SLC4A8: variants seen among roughly 807,000 people sequenced by gnomAD.
SLC4A8 encodes solute carrier family 4 member 8, also known as electroneutral sodium bicarbonate exchanger 1.
Under a neutral mutation model 125.0 loss-of-function variants are expected in SLC4A8, and 40 were observed. The ratio of observed to expected loss-of-function variants is 0.32; its 90% CI spans 0.25 to 0.42. The LOEUF is 0.42. Ranked by LOEUF, SLC4A8 falls within the 10% of genes least tolerant of loss-of-function variation. The pLI, the probability that SLC4A8 is intolerant of heterozygous loss-of-function variation, is 1.00. For synonymous variants in SLC4A8, 456 were observed against 476.0 expected (o/e 0.96, Z 0.55); for missense variants, 863 against 1,355.1 (o/e 0.64, Z 5.70).
intron 22 of SLC4A8, among the ~76,000 whole-genome samples, chr12:51,498,609 G>T (rs983400274): frequency 1.3e-5 from 2 of 150,148 alleles, no homozygotes; most frequent in African/African-American, 2.5e-5. Flanking sequence ...GGCTGGGCGC[G>T]GTGGCTCATG....
chr12:51,503,003 G>A (rs971142051), intron 22 of SLC4A8, among the ~76,000 whole-genome samples: 5 of 151,350 alleles, frequency 3.3e-5, no homozygotes, highest in East Asian at 2.0e-4. Context: ...CACCTCGCCC[G>A]GCTAATTTTT....
chr12:51,457,414 G>T lies in SLC4A8; in HGVS notation c.638G>T (p.Arg213Leu). The part of the protein sequence containing the change: ...DLNDSMRVKV[R>L]EALLKKHHHQ... ...AATGACAGCATGAGGGTTAAAGTGCGGGAAGCCCTTCTCAAAAAGCATCAT... is the reference window on the plus strand; with the variant it reads ...AATGACAGCATGAGGGTTAAAGTGCTGGAAGCCCTTCTCAAAAAGCATCAT... The change falls in exon 6 of 25, where the codon CGG becomes CTG. Residue 213 changes from arginine to leucine, a missense_variant. This residue lies in a region of SLC4A8 where 390 missense variants were observed against 634.4 expected (regional missense o/e 0.61). Transcript: ENST00000453097. 1.2e-6 allele frequency: 2 copies of T among 1,613,956 alleles called. No homozygotes were observed. The highest frequency in any genetic ancestry group is 1.3e-5 in the African/African-American group (1 of 74,984).
chr12:51,423,147 A>G (rs1948829499), upstream of SLC4A8, among the ~76,000 whole-genome samples: 1 of 152,250 alleles, frequency 6.6e-6, no homozygotes, highest in Admixed American at 6.5e-5. Flanking sequence ...ACAGAAGGGC[A>G]TAAGAAAAAT....
At chr12:51,394,205 C>A (rs1396611179) in intron 1 of SLC4A8, among the ~76,000 whole-genome samples, 1 of 152,232 alleles carries the variant, frequency 6.6e-6, no homozygotes, top group Non-Finnish European at 1.5e-5. Context: ...GAGGGCCGGG[C>A]CCAGCTTCCC....
rs756466659 is a variant in SLC4A8 at position 51,515,119 on chromosome 12, G to A, written c.*7681G>A. Reference sequence around the variant, plus strand: ...TTTTCTGAGCCCAGCAGAAATCAGCGGAGCTTGGGCTTCGCTTAGCAGGTT... The same window carrying A: ...TTTTCTGAGCCCAGCAGAAATCAGCAGAGCTTGGGCTTCGCTTAGCAGGTT... On this transcript the variant is annotated 3_prime_UTR_variant, in exon 25 of 25. Coordinates refer to ENST00000453097, the MANE Select transcript of SLC4A8 (RefSeq NM_001039960.3). 12 of 152,218 alleles carry A rather than the reference G, an allele frequency of 7.9e-5. No individual in the cohort carries two copies. Among genetic ancestry groups the A allele is most frequent in the Non-Finnish European group, 1.0e-4 (7 of 68,034 alleles). The allele number at this position is 152,218 out of a possible 1,614,324, so 9.4% of individuals were successfully genotyped here.
intron 1 of SLC4A8, among the ~76,000 whole-genome samples, chr12:51,434,343 A>G (rs879525847): frequency 2.6e-5 from 4 of 152,200 alleles, no homozygotes; most frequent in Non-Finnish European, 5.9e-5. Flanking sequence ...TTCCTAATAT[A>G]ATCAAATTTT....
chr12:51,504,030 A>T lies in SLC4A8; in HGVS notation c.3083A>T (p.Glu1028Val). 1 of 1,557,960 alleles carries T rather than the reference A, an allele frequency of 6.4e-7. No individual in the cohort carries two copies. Among genetic ancestry groups the T allele is most frequent in the Admixed American group, 1.8e-5 (1 of 54,758 alleles). ...DAKKKAKEEE[E>V]AEKMLEIGGD... ...TAATAATGTTTCTTTTTCTTCCAGG[A>T]GGCTGAGAAAATGTTAGAAATTGGG... Residue 1028 changes from glutamate (E) to valine (V), a missense_variant and splice_region_variant, in exon 23 of 25, where the codon GAG (glutamate) becomes GTG (valine). Around this residue, in one of 6 missense-constraint regions of SLC4A8, gnomAD observed 92 missense variants for 125.6 expected, o/e 0.73. Transcript: ENST00000453097.
In SLC4A8 at chr12:51,508,375, A is replaced by G. The variant is rs1938252518; in HGVS notation, c.*937A>G. On this transcript the variant is annotated 3_prime_UTR_variant, in exon 25 of 25. Coordinates refer to ENST00000453097, the MANE Select transcript of SLC4A8 (RefSeq NM_001039960.3). ...TGATAATAGTTGTTTGTGAATAGAA[A>G]GGAGGATATGATGTTTTTATTGGCC... The G allele has an allele frequency of 6.6e-6, 1 of 152,662 alleles. No homozygotes were observed. Among genetic ancestry groups the G allele is most frequent in the Non-Finnish European group, 1.5e-5 (1 of 68,040 alleles). The allele number at this position is 152,662 out of a possible 1,614,324, so 9.5% of individuals were successfully genotyped here. A position where few individuals can be genotyped will look rare whatever the true frequency, so the allele number is the denominator to read the frequency against.
chr12:51,415,191 AG>A (rs1948662537), intron 1 of SLC4A8, among the ~76,000 whole-genome samples: 1 of 152,004 alleles, frequency 6.6e-6, no homozygotes, highest in South Asian at 2.1e-4. Context: ...AAAAAAAAAA[AG>A]TCAAATACCG....
intron 2 of SLC4A8, among the ~76,000 whole-genome samples, chr12:51,443,846 A>G (rs1427855537): frequency 1.3e-5 from 2 of 152,190 alleles, no homozygotes; most frequent in African/African-American, 4.8e-5. Context: ...CGTGTACTGC[A>G]TTGTACCTTA....
Position 51,470,466 on chromosome 12 carries a change from C to G in SLC4A8, c.1599C>G (p.Thr533=). The change falls in exon 13 of 25, where the codon ACC becomes ACG. Residue 533 remains threonine (T), a synonymous_variant. Transcript: ENST00000453097. ...CCTTGTTTGCGGGACAGGCTCTCAC[C>G]ATCCTGGGAAGTACTGGACCAGTGC... ...AYSLFAGQAL[T]ILGSTGPVLV... 6.2e-7 allele frequency: 1 copy of G among 1,613,396 alleles called. No individual in the cohort carries two copies. The highest frequency in any genetic ancestry group is 1.1e-5 in the South Asian group (1 of 91,060).
At chr12:51,502,974 T>G (rs900443678) in intron 22 of SLC4A8, among the ~76,000 whole-genome samples, 1 of 151,652 alleles carries the variant, frequency 6.6e-6, no homozygotes, top group African/African-American at 2.4e-5. Context: ...CCCGAGTAGC[T>G]GGGACTACAG....
chr12:51,394,352 T>C (rs1027754735), intron 1 of SLC4A8, among the ~76,000 whole-genome samples: 8 of 152,280 alleles, frequency 5.3e-5, no homozygotes, highest in Non-Finnish European at 1.2e-4. Flanking sequence ...TGGAGGTTCA[T>C]GAGTCCGCAG....
At position 51,461,188 on chromosome 12, in the gene SLC4A8, CTG is replaced by C; in HGVS notation, c.1014-10_1014-9del. 3 of 1,463,690 alleles carry C rather than the reference CTG, an allele frequency of 2.0e-6. No individual in the cohort carries two copies. Among genetic ancestry groups the C allele is most frequent in the Non-Finnish European group, 2.9e-6 (3 of 1,044,478 alleles). 90.7% of individuals were successfully genotyped at this position (1,463,690 alleles called of 1,614,324 possible). Reference sequence around the variant, plus strand: ...ATATTTACTTACATAATTTCCTCCTCTGTGTGTTTTGCCAGATTTTTGTTTAT... The same window carrying C: ...ATATTTACTTACATAATTTCCTCCTCTGTGTTTTGCCAGATTTTTGTTTAT... On this transcript the variant is annotated splice_polypyrimidine_tract_variant and intron_variant, in intron 8 of 24. Coordinates refer to ENST00000453097, the MANE Select transcript of SLC4A8 (RefSeq NM_001039960.3).
At chr12:51,491,027 A>T (rs1771714894) in intron 19 of SLC4A8, among the ~76,000 whole-genome samples, 1 of 152,124 alleles carries the variant, frequency 6.6e-6, no homozygotes, top group African/African-American at 2.4e-5. Context: ...TGTTGACTGG[A>T]TGTGGAATGG....
intron 1 of SLC4A8, among the ~76,000 whole-genome samples, chr12:51,434,389 G>GT (rs955052437): frequency 1.3e-5 from 2 of 152,098 alleles, no homozygotes; most frequent in African/African-American, 4.8e-5. Flanking sequence ...GTACCTTGTA[G>GT]TTTTTTAAAA....
At chr12:51,424,801 C>T, upstream of SLC4A8, 2 of 596,824 alleles carry the variant, frequency 3.4e-6, no homozygotes, top group East Asian at 3.3e-5. Flanking sequence ...CTGCGCAGGC[C>T]TCTCGCTGAT....
chr12:51,411,408 C>G (rs963932537), intron 1 of SLC4A8, among the ~76,000 whole-genome samples: 5 of 151,950 alleles, frequency 3.3e-5, no homozygotes, highest in African/African-American at 9.7e-5. Flanking sequence ...GGCAACATAG[C>G]AAAACGCCAT....
chr12:51,491,778 C>CACACACACA (rs3028941), intron 19 of SLC4A8, among the ~76,000 whole-genome samples: 1 of 150,254 alleles, frequency 6.7e-6, no homozygotes, highest in South Asian at 2.1e-4. Context: ...CACACACACA[C>CACACACACA]CCCTCTTTAA....
Sources: gnomAD v4.1 joint callset for allele counts (sites outside exome capture counted in the v4.1 genomes callset) on GRCh38, gnomAD v4.1.1 for gene constraint, gnomAD v4.1.1 regional missense constraint, MANE v1.5 for transcripts, NCBI Gene and HGNC (gene_info 2026-07-23, HGNC 2026-07-21) for gene names.